BATF3: variants seen among roughly 807,000 people sequenced by gnomAD.
The protein encoded by BATF3 is basic leucine zipper ATF-like transcription factor 3.
In BATF3, 8 loss-of-function variants were observed where a neutral mutation model predicts 16.1. That is an observed-to-expected ratio of 0.50 (90% CI 0.29 to 0.90). BATF3 has a LOEUF of 0.90. Among genes scored for constraint, BATF3 ranks in the 40% least tolerant of loss-of-function variants. BATF3 has a pLI of 0.08. For missense variants in BATF3, 139 were observed against 167.0 expected, an observed-to-expected ratio of 0.83 and a Z score of 0.92; for synonymous variants, 74 against 72.7, an observed-to-expected ratio of 1.02 and a Z score of -0.09.
At chr1:212,692,924 G>C (rs1427171500) in intron 2 of BATF3, among the ~76,000 whole-genome samples, 1 of 152,242 alleles carries the variant, frequency 6.6e-6, no homozygotes, top group African/African-American at 2.4e-5. Flanking sequence ...GGCAGTGGCT[G>C]TCAGTGGCTG....
Position 212,699,705 on chromosome 1 carries a change from C to A in BATF3, c.58G>T (p.Gly20Trp). The change falls in exon 1 of 3, where the codon GGG (glycine) becomes TGG (tryptophan). Residue 20 changes from glycine to tryptophan, a missense_variant. Physicochemically the swap from Gly to Trp is radical, Grantham distance 184 (BLOSUM62 -2). Coordinates refer to ENST00000243440, the MANE Select transcript of BATF3 (RefSeq NM_018664.3). This position sits in a 1 kb window ranked among gnomAD's most constrained non-coding sequence, Gnocchi z 4.4. ...SVLQRSVAAPGNQPQPQPQQQ... is the reference protein window; with the variant it reads ...SVLQRSVAAPWNQPQPQPQQQ... ...TGCGGCTGCGGCTGCGGCTGGTTCC[C>A]GGGCGCCGCGACGCTCCTCTGCAGG... 1 of 1,346,982 alleles carries A rather than the reference C, an allele frequency of 7.4e-7. No homozygotes were observed. The highest frequency in any genetic ancestry group is 9.6e-7 in the Non-Finnish European group (1 of 1,044,650). 83.4% of individuals were successfully genotyped at this position (1,346,982 alleles called of 1,614,324 possible).
At chr1:212,692,199 G>A (rs937701712) in intron 2 of BATF3, among the ~76,000 whole-genome samples, 12 of 152,272 alleles carry the variant, frequency 7.9e-5, no homozygotes, top group Middle Eastern at 3.4e-3. Context: ...GGAGGTGGCC[G>A]AAAAACTCCT....
rs146755759 is a variant in BATF3, at chr1:212,689,809, C to T, written c.196-2830G>A. The stretch of plus-strand genomic sequence containing the variant: ...CACTCACACACTCTCATACACAGCC[C>T]GACACACACACTCTCACACACACAC... On this transcript the variant is annotated intron_variant, in intron 2 of 2. Coordinates refer to ENST00000243440, the MANE Select transcript of BATF3 (RefSeq NM_018664.3). This position sits in a 1 kb window ranked among gnomAD's most constrained non-coding sequence, Gnocchi z 4.6. Among the ~76,000 whole-genome samples, 25 of 149,680 alleles carry T rather than the reference C, an allele frequency of 1.7e-4. No individual in the cohort carries two copies. The highest frequency in any genetic ancestry group is 2.8e-4 in the Non-Finnish European group (19 of 67,534).
chr1:212,688,372 C>T (rs1254721866), intron 2 of BATF3, among the ~76,000 whole-genome samples: 1 of 152,226 alleles, frequency 6.6e-6, no homozygotes, highest in Non-Finnish European at 1.5e-5. Context: ...AAATGTGTGG[C>T]AGTGACCTCT....
At position 212,699,610 on chromosome 1, in the gene BATF3, T is replaced by C; in HGVS notation, c.90+63A>G. ...CCACGGAACTCCAGCACCCACCTCC[T>C]CGCCCCCCGCGGCGCGCCGGTCCCC... On this transcript the variant is annotated intron_variant, in intron 1 of 2. Transcript: ENST00000243440. This position sits in a 1 kb window ranked among gnomAD's most constrained non-coding sequence, Gnocchi z 4.4. 8.1e-7 allele frequency: 1 copy of C among 1,227,404 alleles called. No homozygotes were observed. The highest frequency in any genetic ancestry group is 1.0e-6 in the Non-Finnish European group (1 of 974,778). The allele number at this position is 1,227,404 out of a possible 1,614,324, so 76.0% of individuals were successfully genotyped here.
intron 2 of BATF3, among the ~76,000 whole-genome samples, chr1:212,696,493 G>A (rs1571836717): frequency 6.6e-6 from 1 of 152,000 alleles, no homozygotes; most frequent in African/African-American, 2.4e-5. Context: ...GTGTTTGTTT[G>A]TGTGTATATA....
chr1:212,692,309 G>T (rs1657017936), intron 2 of BATF3, among the ~76,000 whole-genome samples: 1 of 152,102 alleles, frequency 6.6e-6, no homozygotes, highest in Admixed American at 6.5e-5. Flanking sequence ...ATGATACAGG[G>T]ATTAACATGG....
rs749470295 is a variant in BATF3 at position 212,686,975 on chromosome 1, T to A, written c.200A>T (p.Tyr67Phe). The change falls in exon 3 of 3, where the codon TAT (tyrosine) becomes TTT (phenylalanine). Residue 67 changes from tyrosine to phenylalanine, a missense_variant. Transcript: ENST00000243440. ...GGTGTTTTCTTGCTCCAGGCTCTCA[T>A]ATTCCTGGGGGAGACAGAATGGGCA... is the stretch of plus-strand genomic sequence containing the variant. ...TQKADKLHEE[Y>F]ESLEQENTML... 1 of 1,586,204 alleles carries A rather than the reference T, an allele frequency of 6.3e-7. No individual in the cohort carries two copies. The highest frequency in any genetic ancestry group is 1.1e-5 in the South Asian group (1 of 90,580).
chr1:212,686,586 G>T lies in BATF3; in HGVS notation c.*205C>A. On this transcript the variant is annotated 3_prime_UTR_variant, in exon 3 of 3. Transcript: ENST00000243440. ...ACTCCTGAGGGTGGCCTCCATGCTG[G>T]ATCTGCACAAGGGCTCTGTGAGTTT... 1 of 776,822 alleles carries T rather than the reference G, an allele frequency of 1.3e-6. No homozygotes were observed. The highest frequency in any genetic ancestry group is 2.0e-6 in the Non-Finnish European group (1 of 512,634). 48.1% of individuals were successfully genotyped at this position (776,822 alleles called of 1,614,324 possible). A position where few individuals can be genotyped will look rare whatever the true frequency, so the allele number is the denominator to read the frequency against.
intron 2 of BATF3, among the ~76,000 whole-genome samples, chr1:212,691,584 G>C (rs577511953): frequency 6.6e-6 from 1 of 152,346 alleles, no homozygotes; most frequent in Admixed American, 6.5e-5. Context: ...GCCACAATCA[G>C]TTTCTAAGCC....
chr1:212,692,090 G>A (rs886502031), intron 2 of BATF3, among the ~76,000 whole-genome samples: 64 of 152,196 alleles, frequency 4.2e-4, no homozygotes, highest in African/African-American at 1.4e-3. Context: ...TGCCTCTCTG[G>A]CTTGGCCTGT....
intron 2 of BATF3, among the ~76,000 whole-genome samples, chr1:212,691,112 G>A (rs1157784565): frequency 1.3e-5 from 2 of 152,180 alleles, no homozygotes; most frequent in African/African-American, 2.4e-5. Context: ...TCTAGGAGCA[G>A]GTGACTGGGA....
chr1:212,688,020 G>A (rs371923485), intron 2 of BATF3, among the ~76,000 whole-genome samples: 1,480 of 89,866 alleles, frequency 0.016, 23 homozygotes, highest in African/African-American at 0.053. Context: ...AGGAAGGAAG[G>A]AAGGAAGGAA....
intron 2 of BATF3, among the ~76,000 whole-genome samples, chr1:212,696,368 C>A (rs1018621376): frequency 6.6e-6 from 1 of 151,764 alleles, no homozygotes; most frequent in Non-Finnish European, 1.5e-5. Context: ...GAAAGAGAGT[C>A]CTGGATAGGG....
chr1:212,688,004 G>GAAAGAAAGAAAGAAAGAAAGA (rs61321130), intron 2 of BATF3, among the ~76,000 whole-genome samples: 1 of 78,778 alleles, frequency 1.3e-5, no homozygotes, highest in Non-Finnish European at 2.5e-5. Flanking sequence ...AGAAAGGAAG[G>GAAAGAAAGAAAGAAAGAAAGA]AAGGAAGGAA....
intron 2 of BATF3, among the ~76,000 whole-genome samples, 159 bp from the exon 3 acceptor site, chr1:212,687,138 C>T (rs915999993): frequency 3.9e-5 from 6 of 152,206 alleles, no homozygotes; most frequent in African/African-American, 1.4e-4. Context: ...TGATGAGTGT[C>T]TCCCCCCTCC....
chr1:212,687,402 G>A (rs765024982), intron 2 of BATF3: 21 of 170,324 alleles, frequency 1.2e-4, no homozygotes, highest in Admixed American at 2.2e-4. Flanking sequence ...CATAACAAAT[G>A]TTTGTTGATT....
At position 212,686,473 on chromosome 1, in the gene BATF3, A is replaced by G; in HGVS notation, c.*318T>C. 3.2e-6 allele frequency: 1 copy of G among 308,464 alleles called. No individual in the cohort carries two copies. Among genetic ancestry groups the G allele is most frequent in the East Asian group, 5.4e-5 (1 of 18,408 alleles). 19.1% of individuals were successfully genotyped at this position (308,464 alleles called of 1,614,324 possible). A position where few individuals can be genotyped will look rare whatever the true frequency, so the allele number is the denominator to read the frequency against. On this transcript the variant is annotated 3_prime_UTR_variant, in exon 3 of 3. Transcript: ENST00000243440. ...ATTCCCAGAACTGGAGAAGGGAGAGACAATAAGCATCTTTATTATCCAAAT... is the reference window on the plus strand; with the variant it reads ...ATTCCCAGAACTGGAGAAGGGAGAGGCAATAAGCATCTTTATTATCCAAAT...
rs1411426717 is a variant in BATF3, at chr1:212,699,310, G to C, written c.90+363C>G. Among the ~76,000 whole-genome samples the C allele has an allele frequency of 6.6e-6, 1 of 152,186 alleles. No homozygotes were observed. The highest frequency in any genetic ancestry group is 6.5e-5 in the Admixed American group (1 of 15,286). On this transcript the variant is annotated intron_variant, in intron 1 of 2. Coordinates refer to ENST00000243440, the MANE Select transcript of BATF3 (RefSeq NM_018664.3). This position sits in a 1 kb window ranked among gnomAD's most constrained non-coding sequence, Gnocchi z 4.4. ...GGCTACAGGCGCGGGTGGTGGGGTG[G>C]CAGTCGCTGGCTGCGCCAGGATGGG...
Sources: gnomAD v4.1 joint callset for allele counts (sites outside exome capture counted in the v4.1 genomes callset) on GRCh38, gnomAD v4.1.1 for gene constraint, Gnocchi (gnomAD v3.1) non-coding constraint, MANE v1.5 for transcripts, NCBI Gene and HGNC (gene_info 2026-07-23, HGNC 2026-07-21) for gene names.